RAP1GDS1: variants seen among roughly 807,000 people sequenced by gnomAD.
RAP1GDS1 encodes the protein Rap1 GTPase-GDP dissociation stimulator 1.
Under a neutral mutation model 71.1 loss-of-function variants are expected in RAP1GDS1, and 35 were observed. The observed-to-expected ratio is 0.49, with a 90% CI of 0.38 to 0.65. The LOEUF is 0.65. Among genes scored for constraint, RAP1GDS1 ranks in the 30% least tolerant of loss-of-function variants. The pLI, the probability that RAP1GDS1 is intolerant of heterozygous loss-of-function variation, is 0.00. For synonymous variants in RAP1GDS1, 229 were observed against 243.1 expected, an observed-to-expected ratio of 0.94 and a Z score of 0.54; for missense variants, 663 against 706.1, an observed-to-expected ratio of 0.94 and a Z score of 0.69.
chr4:98,341,612 A>G (rs543776609), intron 2 of RAP1GDS1, among the ~76,000 whole-genome samples: 1 of 152,304 alleles, frequency 6.6e-6, no homozygotes, highest in Non-Finnish European at 1.5e-5. Flanking sequence ...CTGGGGCAGT[A>G]TGACCCAGTG....
intron 1 of RAP1GDS1, among the ~76,000 whole-genome samples, chr4:98,278,630 A>G (rs551391239): frequency 6.6e-6 from 1 of 152,224 alleles, no homozygotes; most frequent in Non-Finnish European, 1.5e-5. Flanking sequence ...TATAGCCTTC[A>G]GCAAGTTGCT....
chr4:98,422,061 G>C (rs573485802), intron 12 of RAP1GDS1, among the ~76,000 whole-genome samples: 1 of 151,738 alleles, frequency 6.6e-6, no homozygotes, highest in African/African-American at 2.4e-5. Context: ...TTAGCTGGGC[G>C]TGGTGGCGGG....
chr4:98,390,261 G>A (rs1285525608), intron 5 of RAP1GDS1, among the ~76,000 whole-genome samples: 1 of 151,982 alleles, frequency 6.6e-6, no homozygotes, highest in Non-Finnish European at 1.5e-5. Flanking sequence ...ACACTATTGT[G>A]TAAGTATTTT....
At chr4:98,438,980 C>G (rs1751544773) in intron 14 of RAP1GDS1, among the ~76,000 whole-genome samples, 1 of 152,122 alleles carries the variant, frequency 6.6e-6, no homozygotes, top group South Asian at 2.1e-4. Context: ...TTTCTTTCAA[C>G]CACCAAACAT....
chr4:98,268,887 T>C (rs1723054586), intron 1 of RAP1GDS1, among the ~76,000 whole-genome samples: 1 of 152,126 alleles, frequency 6.6e-6, no homozygotes, highest in Admixed American at 6.5e-5. Flanking sequence ...GTACTGAAAG[T>C]GATCTACAGA....
chr4:98,282,789 A>G (rs1488049414), intron 1 of RAP1GDS1, among the ~76,000 whole-genome samples: 2 of 152,052 alleles, frequency 1.3e-5, no homozygotes, highest in Non-Finnish European at 2.9e-5. Flanking sequence ...ACACTGCTTT[A>G]AATGTGTCCC....
At chr4:98,430,742 A>G (rs1750278970) in intron 12 of RAP1GDS1, among the ~76,000 whole-genome samples, 1 of 152,212 alleles carries the variant, frequency 6.6e-6, no homozygotes, top group Non-Finnish European at 1.5e-5. Context: ...ATAATTAAAC[A>G]CCAGGTTCAA....
Position 98,278,103 on chromosome 4 carries a change from G to A in RAP1GDS1, c.5-15305G>A, listed in dbSNP as rs142229957. Among the ~76,000 whole-genome samples, 813 of 152,254 alleles carry A rather than the reference G, an allele frequency of 5.3e-3. 2 individuals carry two copies. Among genetic ancestry groups the A allele is most frequent in the Non-Finnish European group, 8.4e-3 (570 of 68,030 alleles). The stretch of plus-strand genomic sequence containing the variant: ...CAACCAAGTTACTCAGGAGGCTGAG[G>A]CATGAGAATCACGTGAACCCGGGAG... On this transcript the variant is annotated intron_variant, in intron 1 of 14. Transcript: ENST00000408927.
chr4:98,283,859 TAGAC>T (rs1560771293), intron 1 of RAP1GDS1, among the ~76,000 whole-genome samples: 4 of 149,346 alleles, frequency 2.7e-5, no homozygotes, highest in African/African-American at 9.9e-5. Context: ...TTCAGATACA[TAGAC>T]AGTTGTTACC....
chr4:98,284,103 T>G (rs1237541968), intron 1 of RAP1GDS1, among the ~76,000 whole-genome samples: 1 of 152,186 alleles, frequency 6.6e-6, no homozygotes, highest in Admixed American at 6.6e-5. Flanking sequence ...GGGCAAGTTA[T>G]TCAGCTTCTG....
At chr4:98,278,021 G>A (rs1245707504) in intron 1 of RAP1GDS1, among the ~76,000 whole-genome samples, 2 of 152,192 alleles carry the variant, frequency 1.3e-5, no homozygotes, top group Non-Finnish European at 2.9e-5. Flanking sequence ...GAGGCCAGGA[G>A]TTCAAGACCA....
At chr4:98,359,014 C>T (rs975808498) in intron 4 of RAP1GDS1, among the ~76,000 whole-genome samples, 10 of 151,968 alleles carry the variant, frequency 6.6e-5, no homozygotes, top group Non-Finnish European at 1.5e-4. Context: ...GTTGTTTCAG[C>T]AGTACCTGAG....
intron 1 of RAP1GDS1, among the ~76,000 whole-genome samples, chr4:98,286,978 G>C (rs1035401205): frequency 5.3e-5 from 8 of 150,432 alleles, no homozygotes; most frequent in African/African-American, 2.0e-4. Context: ...ATGACTTAGA[G>C]TGAAATAAAG....
chr4:98,280,174 G>A (rs2110249681), intron 1 of RAP1GDS1, among the ~76,000 whole-genome samples: 1 of 152,292 alleles, frequency 6.6e-6, no homozygotes, highest in Non-Finnish European at 1.5e-5. Context: ...GATCCTTGAG[G>A]AATCGCCACA....
chr4:98,329,776 G>A (rs562020503), intron 2 of RAP1GDS1, among the ~76,000 whole-genome samples: 129 of 125,694 alleles, frequency 1.0e-3, no homozygotes, highest in African/African-American at 3.8e-3. Flanking sequence ...GTGACAGTGT[G>A]AGACTCCATC....
intron 2 of RAP1GDS1, among the ~76,000 whole-genome samples, chr4:98,294,574 G>GA (rs1161920406): frequency 1.2e-4 from 18 of 152,016 alleles, no homozygotes; most frequent in African/African-American, 2.9e-4. Flanking sequence ...AAATGGTAAA[G>GA]AAAAAGGACA....
intron 7 of RAP1GDS1, among the ~76,000 whole-genome samples, chr4:98,405,521 T>C (rs1215141631): frequency 6.6e-6 from 1 of 151,094 alleles, no homozygotes; most frequent in Non-Finnish European, 1.5e-5. Flanking sequence ...AAAAGGAGAG[T>C]AGAGAAGGTG....
At chr4:98,300,083 A>G (rs978396103) in intron 2 of RAP1GDS1, among the ~76,000 whole-genome samples, 11 of 152,344 alleles carry the variant, frequency 7.2e-5, no homozygotes, top group Admixed American at 3.3e-4. Flanking sequence ...GTGAAATGCT[A>G]TCGAACAGCA....
intron 2 of RAP1GDS1, among the ~76,000 whole-genome samples, chr4:98,323,872 A>T (rs1483856005): frequency 6.9e-6 from 1 of 145,506 alleles, no homozygotes; most frequent in Non-Finnish European, 1.5e-5. Context: ...CAAGACAGGG[A>T]TGCCCTCTCT....
Sources: allele counts gnomAD v4.1 joint callset (sites outside exome capture counted in the v4.1 genomes callset), GRCh38; gene constraint gnomAD v4.1.1; transcripts MANE v1.5; gene names NCBI Gene and HGNC (gene_info 2026-07-23, HGNC 2026-07-21).